Variants in PTK2B observed in about 807,000 individuals in gnomAD.
PTK2B encodes the protein protein-tyrosine kinase 2-beta.
PTK2B carries 71 observed loss-of-function variants against 142.9 expected under a neutral mutation model. The observed-to-expected ratio is 0.50, with a 90% CI of 0.41 to 0.61. The LOEUF (loss-of-function observed/expected upper bound fraction) is 0.61. Ranked by LOEUF, PTK2B falls within the 20% of genes least tolerant of loss-of-function variation. PTK2B has a pLI of 0.00. For missense variants in PTK2B, 1,105 were observed against 1,320.4 expected, an observed-to-expected ratio of 0.84 and a Z score of 2.53; for synonymous variants, 519 against 503.4, an observed-to-expected ratio of 1.03 and a Z score of -0.42.
intron 2 of PTK2B, among the ~76,000 whole-genome samples, chr8:27,414,547 G>C (rs1258441551): frequency 7.7e-6 from 1 of 129,516 alleles, no homozygotes; most frequent in Non-Finnish European, 1.7e-5. Context: ...CGCCTGGCCG[G>C]GCTGTCACTG....
chr8:27,410,050 T>C (rs1808963991), intron 2 of PTK2B, among the ~76,000 whole-genome samples: 1 of 152,194 alleles, frequency 6.6e-6, no homozygotes, highest in Non-Finnish European at 1.5e-5. Flanking sequence ...AAAGCTTAAG[T>C]GTAGTTTATT....
chr8:27,404,962 T>C (rs1408755739), intron 2 of PTK2B, among the ~76,000 whole-genome samples: 1 of 150,832 alleles, frequency 6.6e-6, no homozygotes, highest in African/African-American at 2.4e-5. Context: ...ATAATGGGAT[T>C]AGTGTCCTTA....
At chr8:27,417,695 G>A (rs1317937180) in intron 2 of PTK2B, among the ~76,000 whole-genome samples, 3 of 152,224 alleles carry the variant, frequency 2.0e-5, no homozygotes, top group African/African-American at 7.2e-5. Flanking sequence ...TGTTGAGGCT[G>A]GGTGATGCGT....
chr8:27,378,608 T>C (rs879542333), intron 1 of PTK2B, among the ~76,000 whole-genome samples: 17,578 of 56,972 alleles, frequency 0.31, 1,111 homozygotes, highest in Non-Finnish European at 0.34. Flanking sequence ...TATCTGTGTG[T>C]GTGTGTGTGT....
Position 27,404,620 on chromosome 8 carries a change from C to T in PTK2B, c.204+6832C>T, listed in dbSNP as rs116433564. Among the ~76,000 whole-genome samples, 499 of 152,254 alleles carry T rather than the reference C, an allele frequency of 3.3e-3. 3 individuals are homozygous for T. The highest frequency in any genetic ancestry group is 0.01 in the Middle Eastern group (3 of 294). On this transcript the variant is annotated intron_variant, in intron 2 of 30. Transcript: ENST00000346049. ...TGTCCAGTTCCAAATGCAGCCTGGT[C>T]CACACACACCTGTCCTCACCACCAC...
intron 29 of PTK2B, 71 bp downstream of exon 29, chr8:27,454,362 T>C: frequency 1.3e-6 from 2 of 1,577,666 alleles, no homozygotes; most frequent in South Asian, 2.3e-5. Flanking sequence ...GGACTGCGCT[T>C]CCTGTTGGCT....
intron 2 of PTK2B, among the ~76,000 whole-genome samples, chr8:27,408,227 A>G (rs894393357): frequency 6.6e-6 from 1 of 152,220 alleles, no homozygotes; most frequent in African/African-American, 2.4e-5. Flanking sequence ...AAATCCGGCC[A>G]TAAAACCTAA....
rs185763786 is a variant in PTK2B, at chr8:27,367,845, G to A, written c.-37-29703G>A. Among the ~76,000 whole-genome samples, 14 of 152,302 alleles carry A rather than the reference G, an allele frequency of 9.2e-5. No homozygotes were observed. The East Asian group carries it at 2.7e-3, about 29-fold the overall frequency. The stretch of plus-strand genomic sequence containing the variant: ...TCATTAAACTCATTACATGGGGAAG[G>A]CACCATGCCATTCATAAAGGATCCA... On this transcript the variant is annotated intron_variant, in intron 1 of 30. Coordinates refer to ENST00000346049, the MANE Select transcript of PTK2B (RefSeq NM_173176.3).
rs1053756203 is a variant in PTK2B at position 27,446,505 on chromosome 8, C to T, written c.2340+586C>T. Among the ~76,000 whole-genome samples the T allele has an allele frequency of 7.2e-5, 11 of 152,090 alleles. No individual in the cohort carries two copies. The South Asian group carries it at 8.3e-4, about 11-fold the overall frequency. On this transcript the variant is annotated intron_variant, in intron 24 of 30. Coordinates refer to ENST00000346049, the MANE Select transcript of PTK2B (RefSeq NM_173176.3). ...GGGGTTGTTAACTGCTGGTGAAGCC[C>T]GGAGTGCTTCATGGCTGGCTTCTGA... is the stretch of plus-strand genomic sequence containing the variant.
intron 1 of PTK2B, among the ~76,000 whole-genome samples, chr8:27,381,408 T>C (rs1462938311): frequency 6.6e-6 from 1 of 152,214 alleles, no homozygotes; most frequent in East Asian, 1.9e-4. Context: ...CTTTTTTAGC[T>C]CCCACCTATG....
intron 1 of PTK2B, among the ~76,000 whole-genome samples, chr8:27,387,136 G>A (rs1040688785): frequency 7.2e-5 from 11 of 152,154 alleles, no homozygotes; most frequent in African/African-American, 2.4e-4. Flanking sequence ...GATCAGGGGT[G>A]GAGGGAAGGT....
intron 14 of PTK2B, among the ~76,000 whole-genome samples, chr8:27,435,994 T>C (rs913014765): frequency 1.3e-5 from 2 of 152,190 alleles, no homozygotes; most frequent in African/African-American, 4.8e-5. Context: ...TGACCTTTTG[T>C]GTGCCCATGG....
At chr8:27,318,029 T>C (rs1803130410) in intron 3 of PTK2B, among the ~76,000 whole-genome samples, 1 of 152,182 alleles carries the variant, frequency 6.6e-6, no homozygotes, top group African/African-American at 2.4e-5. Context: ...CAGAACGTAA[T>C]ATAAATCATA....
At chr8:27,373,614 G>A (rs777286488) in intron 1 of PTK2B, among the ~76,000 whole-genome samples, 66 of 152,082 alleles carry the variant, frequency 4.3e-4, no homozygotes, top group Middle Eastern at 3.2e-3. Flanking sequence ...GCCAGAAGTT[G>A]GAGGTTACAA....
At position 27,424,871 on chromosome 8, in the gene PTK2B, G is replaced by GA. The variant is rs34778526; in HGVS notation, c.551+2499dup. Among the ~76,000 whole-genome samples the GA allele has an allele frequency of 3.8e-4, 57 of 150,504 alleles. 1 individual carries two copies. The highest frequency in any genetic ancestry group is 1.0e-3 in the African/African-American group (42 of 40,956). On this transcript the variant is annotated intron_variant, in intron 5 of 30. Transcript: ENST00000346049. ...GCCTATAGATATACAACATCTCCAG[G>GA]AAAAAAAAAAATTGTATCATTTCCT...
At chr8:27,432,520 A>G (rs1810501604) in intron 10 of PTK2B, among the ~76,000 whole-genome samples, 159 bp downstream of exon 10, 1 of 152,138 alleles carries the variant, frequency 6.6e-6, no homozygotes, top group South Asian at 2.1e-4. Context: ...TTCTTAGACA[A>G]AAGGTACCAG....
At position 27,363,831 on chromosome 8, in the gene PTK2B, C is replaced by T. The variant is rs1157710195; in HGVS notation, c.-37-33717C>T. 2.0e-5 allele frequency among the ~76,000 whole-genome samples: 3 copies of T among 152,188 alleles called. No individual in the cohort carries two copies. The highest frequency in any genetic ancestry group is 7.2e-5 in the African/African-American group (3 of 41,428). On this transcript the variant is annotated intron_variant, in intron 1 of 30. Transcript: ENST00000346049. The surrounding 1 kb of genome is among the most constrained non-coding windows in gnomAD (Gnocchi z 4.3). Reference sequence around the variant, plus strand: ...TCATGTGAATTCTCACCGGTGGCTTCACCCACCCCCAGTCCTGTGGGCCAC... The same window carrying T: ...TCATGTGAATTCTCACCGGTGGCTTTACCCACCCCCAGTCCTGTGGGCCAC...
At chr8:27,311,477 T>C (rs1349256029), upstream of PTK2B, 6 of 567,672 alleles carry the variant, frequency 1.1e-5, no homozygotes, top group East Asian at 1.9e-4. Flanking sequence ...GTGGGCCTTC[T>C]GCCCGCAGTT....
intron 1 of PTK2B, among the ~76,000 whole-genome samples, chr8:27,327,037 G>C (rs1433967831): frequency 6.6e-6 from 1 of 152,146 alleles, no homozygotes; most frequent in African/African-American, 2.4e-5. Flanking sequence ...CGTCCTGGCA[G>C]AAGTGACTCC....
Sources: allele counts gnomAD v4.1 joint callset (sites outside exome capture counted in the v4.1 genomes callset), GRCh38; gene constraint gnomAD v4.1.1; non-coding constraint Gnocchi (gnomAD v3.1); transcripts MANE v1.5; gene names NCBI Gene and HGNC (gene_info 2026-07-23, HGNC 2026-07-21).